DCP1B: variants seen among roughly 807,000 people sequenced by gnomAD.
DCP1B encodes the protein decapping mRNA 1B.
DCP1B carries 47 observed loss-of-function variants against 60.5 expected under a neutral mutation model. That is an observed-to-expected ratio of 0.78 (90% confidence interval 0.61 to 0.99). DCP1B has a LOEUF of 0.99. Among genes scored for constraint, DCP1B ranks in the 50% least tolerant of loss-of-function variants. The pLI is 0.00. For missense variants in DCP1B, 725 were observed against 756.8 expected (o/e 0.96, Z 0.49); for synonymous variants, 267 against 280.3 (o/e 0.95, Z 0.47).
chr12:1,990,796 A>T (rs1329121988), intron 3 of DCP1B, among the ~76,000 whole-genome samples: 2 of 152,180 alleles, frequency 1.3e-5, no homozygotes, highest in Non-Finnish European at 2.9e-5. Flanking sequence ...GAACATGTAA[A>T]CCATACATAA....
intron 3 of DCP1B, among the ~76,000 whole-genome samples, chr12:1,969,208 T>TC (rs1223238612): frequency 6.6e-6 from 1 of 152,204 alleles, no homozygotes. Context: ...ACATCTTTTT[T>TC]CCCCTCTTAC....
At chr12:1,973,662 C>T (rs903618647) in intron 3 of DCP1B, among the ~76,000 whole-genome samples, 1 of 152,136 alleles carries the variant, frequency 6.6e-6, no homozygotes, top group African/African-American at 2.4e-5. Flanking sequence ...GAATCTTTTT[C>T]ATCGTATACT....
chr12:1,968,795 A>G (rs542594631), intron 3 of DCP1B, among the ~76,000 whole-genome samples: 7 of 152,360 alleles, frequency 4.6e-5, no homozygotes, highest in Admixed American at 2.0e-4. Context: ...CAGAAAATGT[A>G]TAACTGCTGA....
intron 5 of DCP1B, among the ~76,000 whole-genome samples, 197 bp from the exon 6 acceptor site, chr12:1,955,757 T>C (rs1298401466): frequency 6.6e-6 from 1 of 152,214 alleles, no homozygotes; most frequent in Non-Finnish European, 1.5e-5. Context: ...TTTTTCTTAG[T>C]TGGACAATTC....
chr12:1,951,056 G>T (rs1268094061), intron 7 of DCP1B, among the ~76,000 whole-genome samples: 1 of 152,120 alleles, frequency 6.6e-6, no homozygotes, highest in East Asian at 1.9e-4. Flanking sequence ...TGGATCACCT[G>T]AGGTCAGAAG....
chr12:1,953,038 C>G lies in DCP1B; in HGVS notation c.902G>C (p.Ser301Thr), dbSNP rs2470449. The G allele has an allele frequency of 3.2e-3, 5,189 of 1,614,170 alleles. 118 individuals are homozygous for G. In the African/African-American group the frequency reaches 0.058, roughly 18 times the overall value. ...CPAIQKLMVR[S>T]ADLHPLSELP... Reference sequence around the variant, plus strand: ...CTCTGACAATGGGTGGAGGTCTGCGCTCCTGACCATGAGTTTCTGAATGGC... The same window carrying G: ...CTCTGACAATGGGTGGAGGTCTGCGGTCCTGACCATGAGTTTCTGAATGGC... The change falls in exon 7 of 9, where the codon AGC becomes ACC. Residue 301 changes from serine to threonine, a missense_variant. By Grantham distance (58) the Ser-to-Thr change is moderately conservative. Transcript: ENST00000280665.
At chr12:1,945,670 G>A (rs1016159335), downstream of DCP1B, among the ~76,000 whole-genome samples, 7 of 152,150 alleles carry the variant, frequency 4.6e-5, no homozygotes, top group East Asian at 5.8e-4. Context: ...AAGAAAATAC[G>A]GCATATATAC....
intron 5 of DCP1B, among the ~76,000 whole-genome samples, chr12:1,958,068 T>C (rs568628332): frequency 1.8e-3 from 256 of 141,548 alleles, no homozygotes; most frequent in Middle Eastern, 3.9e-3. Context: ...CTCCCCAACG[T>C]CGCTCTGGGC....
Position 1,962,974 on chromosome 12 carries a change from T to C in DCP1B, c.522+2584A>G, listed in dbSNP as rs1206412703. 6.6e-6 allele frequency among the ~76,000 whole-genome samples: 1 copy of C among 152,216 alleles called. No individual in the cohort carries two copies. The highest frequency in any genetic ancestry group is 6.5e-5 in the Admixed American group (1 of 15,286). On this transcript the variant is annotated intron_variant, in intron 5 of 8. Coordinates refer to ENST00000280665, the MANE Select transcript of DCP1B (RefSeq NM_152640.5). This position sits in a 1 kb window ranked among gnomAD's most constrained non-coding sequence, Gnocchi z 4.4. ...CAGGATTTTTCTGATTGCTTCCTCA[T>C]AGCATCATTTAATTTGTTTTTCTAC...
chr12:1,972,155 C>T lies in DCP1B; in HGVS notation c.320-4245G>A, dbSNP rs377744367. On this transcript the variant is annotated intron_variant, in intron 3 of 8. Coordinates refer to ENST00000280665, the MANE Select transcript of DCP1B (RefSeq NM_152640.5). ...CTTTTTACTTGGAAAGCCACGGAAA[C>T]GTGGTAGTGTGACATTACACAAACC... Among the ~76,000 whole-genome samples, 8 of 152,200 alleles carry T rather than the reference C, an allele frequency of 5.3e-5. No homozygotes were observed. In the East Asian group the frequency reaches 7.7e-4, roughly 15 times the overall value.
intron 7 of DCP1B, among the ~76,000 whole-genome samples, chr12:1,949,555 C>T (rs1555192023): frequency 6.6e-6 from 1 of 152,254 alleles, no homozygotes; most frequent in Non-Finnish European, 1.5e-5. Flanking sequence ...ATTCTTTCCA[C>T]TGCATATGCA....
intron 5 of DCP1B, among the ~76,000 whole-genome samples, chr12:1,958,720 G>A (rs1389736365): frequency 5.7e-5 from 8 of 139,318 alleles, no homozygotes; most frequent in South Asian, 2.4e-4. Flanking sequence ...CCCCAACGTC[G>A]CTCTGGGCAA....
intron 3 of DCP1B, among the ~76,000 whole-genome samples, chr12:1,975,120 C>T (rs1289106047): frequency 1.3e-5 from 2 of 152,078 alleles, no homozygotes; most frequent in Non-Finnish European, 2.9e-5. Context: ...AAAGAAAAGT[C>T]AGAGTTTCTT....
At chr12:1,950,574 A>T (rs1330945707) in intron 7 of DCP1B, among the ~76,000 whole-genome samples, 1 of 152,222 alleles carries the variant, frequency 6.6e-6, no homozygotes, top group Non-Finnish European at 1.5e-5. Context: ...GTTAATAAAT[A>T]ATAAATGAGA....
chr12:1,986,827 C>T (rs1307017686), intron 3 of DCP1B, among the ~76,000 whole-genome samples: 1 of 152,052 alleles, frequency 6.6e-6, no homozygotes, highest in Non-Finnish European at 1.5e-5. Context: ...TTTCAGAGGC[C>T]CCAGTTAGTT....
At chr12:2,004,053 G>T in intron 1 of DCP1B, 2 of 615,552 alleles carry the variant, frequency 3.2e-6, no homozygotes, top group South Asian at 3.9e-5. Context: ...CGTTGGGTAC[G>T]TTAGAGATTT....
intron 5 of DCP1B, among the ~76,000 whole-genome samples, chr12:1,959,273 G>T (rs2031032345): frequency 6.6e-6 from 1 of 152,252 alleles, no homozygotes; most frequent in Non-Finnish European, 1.5e-5. Flanking sequence ...GCATAGCAAA[G>T]GAAACAGCAG....
chr12:2,004,445 C>G lies in DCP1B; in HGVS notation c.-14G>C, dbSNP rs1254245461. 1 of 1,600,812 alleles carries G rather than the reference C, an allele frequency of 6.2e-7. No homozygotes were observed. Among genetic ancestry groups the G allele is most frequent in the South Asian group, 1.1e-5 (1 of 88,896 alleles). ...CACGGCTGCCATCTTCCCTCCCTCC[C>G]AGACATAGGCACGGGGCTCTTGGAA... On this transcript the variant is annotated 5_prime_UTR_variant, in exon 1 of 9. Transcript: ENST00000280665.
intron 2 of DCP1B, among the ~76,000 whole-genome samples, chr12:1,995,700 G>C (rs1439815508): frequency 6.6e-6 from 1 of 152,220 alleles, no homozygotes; most frequent in Non-Finnish European, 1.5e-5. Flanking sequence ...GGGCCTCTCT[G>C]TGCTGTTCTA....
Sources: gnomAD v4.1 joint callset for allele counts (sites outside exome capture counted in the v4.1 genomes callset) on GRCh38, gnomAD v4.1.1 for gene constraint, Gnocchi (gnomAD v3.1) non-coding constraint, MANE v1.5 for transcripts, NCBI Gene and HGNC (gene_info 2026-07-23, HGNC 2026-07-21) for gene names.